Variants in SCHIP1 observed in about 807,000 individuals in gnomAD.
The protein encoded by SCHIP1 is schwannomin-interacting protein 1.
Under a neutral mutation model 29.7 loss-of-function variants are expected in SCHIP1, and 8 were observed. The ratio of observed to expected loss-of-function variants is 0.27; its 90% CI spans 0.16 to 0.49. SCHIP1 has a LOEUF of 0.49. Ranked by LOEUF, SCHIP1 falls within the 20% of genes least tolerant of loss-of-function variation. SCHIP1 has a pLI of 0.99. For missense variants in SCHIP1, 193 were observed against 294.6 expected, an observed-to-expected ratio of 0.66 and a Z score of 2.52; for synonymous variants, 76 against 94.9, an observed-to-expected ratio of 0.80 and a Z score of 1.16.
rs1275923254 is a variant in SCHIP1 at position 159,840,137 on chromosome 3, C to G, written c.-48C>G. 3.9e-6 allele frequency: 6 copies of G among 1,533,978 alleles called. No individual in the cohort carries two copies. The African/African-American group carries it at 4.1e-5, about 11-fold the overall frequency. On this transcript the variant is annotated 5_prime_UTR_variant, in exon 1 of 7. Coordinates refer to ENST00000445224, the Ensembl canonical transcript of SCHIP1. ...ATGCTCCGCGCCTGCCCTCCGCAGC[C>G]TCGCTCAGCAGTCCTGCGTTGGGGT...
chr3:159,740,081 C>G, the SCHIP1 span, among the ~76,000 whole-genome samples: 2 of 152,244 alleles, frequency 1.3e-5, no homozygotes, highest in Non-Finnish European at 2.9e-5. Flanking sequence ...GCCAACTCTT[C>G]TTTCTGCACC....
At chr3:159,770,232 T>C in the SCHIP1 span, among the ~76,000 whole-genome samples, 1 of 152,358 alleles carries the variant, frequency 6.6e-6, no homozygotes, top group African/African-American at 2.4e-5. Context: ...CTATTACAAA[T>C]AACATTGTTA....
At chr3:159,319,266 A>G in the SCHIP1 span, among the ~76,000 whole-genome samples, 3 of 152,250 alleles carry the variant, frequency 2.0e-5, no homozygotes, top group East Asian at 1.9e-4. Context: ...CTTTGGTGAT[A>G]TGAGATATGG....
At chr3:159,867,710 G>A (rs1714765342) in intron 2 of SCHIP1, among the ~76,000 whole-genome samples, 1 of 152,230 alleles carries the variant, frequency 6.6e-6, no homozygotes, top group South Asian at 2.1e-4. Flanking sequence ...AAGGCGCTTT[G>A]GCCTAGGAAC....
the SCHIP1 span, among the ~76,000 whole-genome samples, chr3:159,399,757 G>C: frequency 6.6e-6 from 1 of 152,094 alleles, no homozygotes; most frequent in Non-Finnish European, 1.5e-5. Flanking sequence ...GTTCACTGTA[G>C]CCTCAAAATC....
At chr3:159,745,454 T>C in the SCHIP1 span, among the ~76,000 whole-genome samples, 1 of 152,220 alleles carries the variant, frequency 6.6e-6, no homozygotes, top group Non-Finnish European at 1.5e-5. Context: ...AGTGTCCTAC[T>C]ATGGCAGATG....
At chr3:159,325,703 A>G in the SCHIP1 span, among the ~76,000 whole-genome samples, 3 of 151,882 alleles carry the variant, frequency 2.0e-5, no homozygotes, top group Admixed American at 2.0e-4. Context: ...TTGTCAATTT[A>G]CTCTAAAAGC....
the SCHIP1 span, among the ~76,000 whole-genome samples, chr3:159,343,799 A>T: frequency 2.0e-5 from 3 of 152,182 alleles, no homozygotes; most frequent in Non-Finnish European, 4.4e-5. Context: ...TCAATATTGC[A>T]CATGCTTAAT....
the SCHIP1 span, among the ~76,000 whole-genome samples, chr3:159,776,374 G>A: frequency 6.9e-6 from 1 of 145,354 alleles, no homozygotes; most frequent in African/African-American, 2.6e-5. Context: ...ATTGTGAAGA[G>A]CGAAAGAACA....
the SCHIP1 span, among the ~76,000 whole-genome samples, chr3:159,486,164 C>G: frequency 6.6e-6 from 1 of 152,152 alleles, no homozygotes; most frequent in East Asian, 1.9e-4. Flanking sequence ...CACTTAAGAT[C>G]TATTCTCTCA....
chr3:159,376,181 AG>A, the SCHIP1 span, among the ~76,000 whole-genome samples: 1 of 152,198 alleles, frequency 6.6e-6, no homozygotes, highest in East Asian at 1.9e-4. Flanking sequence ...CATTAGAAAA[AG>A]GCTACTTACT....
the SCHIP1 span, chr3:159,273,651 T>A: frequency 7.3e-7 from 1 of 1,365,304 alleles, no homozygotes; most frequent in African/African-American, 1.5e-5. Context: ...TGCTTGAGCA[T>A]GGTGGTTGAT....
chr3:159,695,471 C>T, the SCHIP1 span, among the ~76,000 whole-genome samples: 1 of 152,164 alleles, frequency 6.6e-6, no homozygotes. Flanking sequence ...CTCCTAGAAC[C>T]ACTTAGCTGC....
chr3:159,507,318 G>C, the SCHIP1 span, among the ~76,000 whole-genome samples: 8 of 152,128 alleles, frequency 5.3e-5, no homozygotes, highest in African/African-American at 1.7e-4. Flanking sequence ...CATTGATTTT[G>C]TATCCTGAGA....
the SCHIP1 span, among the ~76,000 whole-genome samples, chr3:159,719,682 G>C: frequency 1.3e-5 from 2 of 152,216 alleles, no homozygotes; most frequent in Non-Finnish European, 2.9e-5. Flanking sequence ...AAACTACAAT[G>C]AGATAGCATC....
chr3:159,551,133 G>C, the SCHIP1 span, among the ~76,000 whole-genome samples: 2 of 152,206 alleles, frequency 1.3e-5, no homozygotes, highest in South Asian at 4.1e-4. Context: ...TTTTTCTGGG[G>C]AGAGGTTCTA....
At chr3:159,886,634 T>C in intron 3 of SCHIP1, 1 of 253,578 alleles carries the variant, frequency 3.9e-6, no homozygotes, top group South Asian at 4.7e-5. Context: ...ATGGTGCCTA[T>C]AGTCCCAGCT....
chr3:159,366,263 A>C, the SCHIP1 span, among the ~76,000 whole-genome samples: 40 of 152,262 alleles, frequency 2.6e-4, no homozygotes, highest in African/African-American at 9.6e-4. Flanking sequence ...CTTACCACCA[A>C]GACGATGGCC....
At chr3:159,458,122 T>C in the SCHIP1 span, among the ~76,000 whole-genome samples, 3 of 152,182 alleles carry the variant, frequency 2.0e-5, no homozygotes, top group African/African-American at 7.2e-5. Context: ...GAGGAAATAA[T>C]CCAAAAGAAA....
Sources: allele counts gnomAD v4.1 joint callset (sites outside exome capture counted in the v4.1 genomes callset), GRCh38; gene constraint gnomAD v4.1.1; transcripts MANE v1.5; gene names NCBI Gene and HGNC (gene_info 2026-07-23, HGNC 2026-07-21).